The following ATF7IP2 variants were observed in gnomAD, a reference collection of about 807,000 sequenced individuals.
ATF7IP2 encodes activating transcription factor 7 interacting protein 2, also known as activating transcription factor 7-interacting protein 2.
Under a neutral mutation model 64.2 loss-of-function variants are expected in ATF7IP2, and 42 were observed. That is an observed-to-expected ratio of 0.65 (90% CI 0.51 to 0.85). The LOEUF is 0.85. Ranked by LOEUF, ATF7IP2 falls within the 40% of genes least tolerant of loss-of-function variation. The pLI is 0.00. For missense variants in ATF7IP2, 933 were observed against 784.2 expected, an observed-to-expected ratio of 1.19 and a Z score of -2.27; for synonymous variants, 308 against 272.8, an observed-to-expected ratio of 1.13 and a Z score of -1.27.
At position 10,482,323 on chromosome 16, in the gene ATF7IP2, C is replaced by T. The variant is rs111349119; in HGVS notation, c.*74C>T. ...TGCAATGTTACTGTAATACTATTTG[C>T]CATTGTAAAAGGCCAGCTCAGATTG... On this transcript the variant is annotated 3_prime_UTR_variant, in exon 14 of 14. Transcript: ENST00000562102. The T allele has an allele frequency of 5.1e-4, 618 of 1,218,672 alleles. 1 individual carries two copies. In the African/African-American group the frequency reaches 8.5e-3, roughly 17 times the overall value. The allele number at this position is 1,218,672 out of a possible 1,614,324, so 75.5% of individuals were successfully genotyped here. A position where few individuals can be genotyped will look rare whatever the true frequency, so the allele number is the denominator to read the frequency against.
rs755896965 is a variant in ATF7IP2, at chr16:10,473,969, G to C, written c.1529G>C (p.Gly510Ala). The C allele has an allele frequency of 1.9e-6, 3 of 1,591,564 alleles. No individual in the cohort carries two copies. The highest frequency in any genetic ancestry group is 2.6e-6 in the Non-Finnish European group (3 of 1,167,520). The change falls in exon 12 of 14, where the codon GGC becomes GCC. Residue 510 changes from glycine (G) to alanine (A), a missense_variant. Physicochemically the swap from Gly to Ala is moderately conservative, Grantham distance 60. Coordinates refer to ENST00000562102, the MANE Select transcript of ATF7IP2 (RefSeq NM_001393719.1). ...TCTATAATTGATTTGACAAAAGAAG[G>C]CCTATCCAACTGCAATACAGGTAAA... ...LDSIIDLTKE[G>A]LSNCNTESPV... is the part of the protein sequence containing the mutation.
At chr16:10,452,183 T>C (rs1330831870) in intron 8 of ATF7IP2, among the ~76,000 whole-genome samples, 4 of 152,214 alleles carry the variant, frequency 2.6e-5, no homozygotes, top group Non-Finnish European at 4.4e-5. Flanking sequence ...TTGTGATCCT[T>C]TGGAGGAGAA....
At chr16:10,412,930 T>G (rs1180035586) in intron 1 of ATF7IP2, among the ~76,000 whole-genome samples, 3 of 152,242 alleles carry the variant, frequency 2.0e-5, no homozygotes, top group Non-Finnish European at 4.4e-5. Flanking sequence ...TTTGTCTTTT[T>G]TAAGTGCTGT....
At chr16:10,400,366 C>G (rs954861677) in intron 1 of ATF7IP2, among the ~76,000 whole-genome samples, 1 of 152,076 alleles carries the variant, frequency 6.6e-6, no homozygotes, top group Admixed American at 6.5e-5. Flanking sequence ...CATCCTGAAA[C>G]TTAGTTTGTT....
chr16:10,458,119 C>T (rs1385876009), intron 9 of ATF7IP2, among the ~76,000 whole-genome samples: 1 of 152,222 alleles, frequency 6.6e-6, no homozygotes, highest in Admixed American at 6.5e-5. Context: ...TATGCGTACA[C>T]AAGGAGGCTC....
intron 1 of ATF7IP2, among the ~76,000 whole-genome samples, chr16:10,396,828 AT>A (rs1555504238): frequency 2.0e-5 from 3 of 148,272 alleles, no homozygotes; most frequent in African/African-American, 2.5e-5. Context: ...TAAAAAAAAA[AT>A]TTTTTTTTTA....
chr16:10,424,157 T>C (rs13338252), intron 3 of ATF7IP2, among the ~76,000 whole-genome samples: 119,344 of 152,238 alleles, frequency 0.78, 47,448 homozygotes, highest in African/African-American at 0.91. Context: ...AGTTCTGGAA[T>C]GCCTTAAGGG....
chr16:10,482,533 T>TATCA lies in ATF7IP2; in HGVS notation c.*285_*288dup, dbSNP rs149895863. ...TTAGTGACTGTGGAACTGCTGCTTC[T>TATCA]ATCAGAAGACCTAGGATACAAGCAG... On this transcript the variant is annotated 3_prime_UTR_variant, in exon 14 of 14. Transcript: ENST00000562102. The TATCA allele has an allele frequency of 0.011, 2,506 of 226,748 alleles. 59 individuals carry two copies. Among genetic ancestry groups the TATCA allele is most frequent in the African/African-American group, 0.053 (2,292 of 43,310 alleles). 14.0% of individuals were successfully genotyped at this position (226,748 alleles called of 1,614,324 possible).
At chr16:10,416,639 C>G (rs1167095776) in intron 2 of ATF7IP2, among the ~76,000 whole-genome samples, 2 of 152,060 alleles carry the variant, frequency 1.3e-5, no homozygotes, top group African/African-American at 2.4e-5. Flanking sequence ...CTAAAAAACA[C>G]AAAAGTTAGC....
At chr16:10,437,499 G>C (rs2048461730) in intron 6 of ATF7IP2, among the ~76,000 whole-genome samples, 1 of 151,952 alleles carries the variant, frequency 6.6e-6, no homozygotes. Flanking sequence ...GTGCTCTTTT[G>C]CGTATTACCT....
At chr16:10,433,481 T>C (rs1446100167) in intron 5 of ATF7IP2, 44 bp from the exon 6 acceptor site, 2 of 1,577,972 alleles carry the variant, frequency 1.3e-6, no homozygotes, top group African/African-American at 1.4e-5. Flanking sequence ...AACCTGTTTT[T>C]TTCTTTAAAA....
intron 8 of ATF7IP2, chr16:10,447,905 G>A (rs1485455790): frequency 2.0e-5 from 3 of 152,140 alleles, no homozygotes; most frequent in African/African-American, 7.2e-5. Context: ...ATGGTTTTAG[G>A]TCTTATGGTT....
intron 12 of ATF7IP2, among the ~76,000 whole-genome samples, chr16:10,474,371 G>A (rs578127439): frequency 2.6e-5 from 4 of 152,112 alleles, no homozygotes; most frequent in Non-Finnish European, 5.9e-5. Flanking sequence ...AGAGTAGCCC[G>A]TGGTGTGGAT....
Position 10,414,574 on chromosome 16 carries a change from G to T in ATF7IP2, c.-241G>T, listed in dbSNP as rs1214047868. 2 of 141,446 alleles carry T rather than the reference G, an allele frequency of 1.4e-5. No homozygotes were observed. Among genetic ancestry groups the T allele is most frequent in the African/African-American group, 5.2e-5 (2 of 38,166 alleles). The allele number at this position is 141,446 out of a possible 1,614,324, so 8.8% of individuals were successfully genotyped here. ...ACTGACCGTCTGAATTCTTTTTCAG[G>T]TAAATCAGGGATTTCTTCTTGGTTT... On this transcript the variant is annotated splice_region_variant and 5_prime_UTR_variant, in exon 2 of 14. Coordinates refer to ENST00000562102, the MANE Select transcript of ATF7IP2 (RefSeq NM_001393719.1).
intron 1 of ATF7IP2, among the ~76,000 whole-genome samples, chr16:10,399,044 C>T (rs1048974010): frequency 2.6e-5 from 4 of 151,910 alleles, no homozygotes; most frequent in East Asian, 1.9e-4. Context: ...ACCCGTGAGG[C>T]GGAGTTTGCA....
chr16:10,461,075 A>G (rs1361662429), intron 9 of ATF7IP2, among the ~76,000 whole-genome samples: 1 of 152,210 alleles, frequency 6.6e-6, no homozygotes, highest in Admixed American at 6.5e-5. Context: ...CGAAATGGCC[A>G]ATATACATAT....
rs1306066628 is a variant in ATF7IP2, at chr16:10,483,526, C to A, written c.*1277C>A. On this transcript the variant is annotated 3_prime_UTR_variant, in exon 14 of 14. Transcript: ENST00000562102. ...TTTGAAAGTTCGAAAGAGGGGCATT[C>A]TTTTCTGGTACATGGTGAGAGTTCA... is the stretch of plus-strand genomic sequence containing the variant. 1 of 152,152 alleles carries A rather than the reference C, an allele frequency of 6.6e-6. No homozygotes were observed. Among genetic ancestry groups the A allele is most frequent in the African/African-American group, 2.4e-5 (1 of 41,440 alleles). 9.4% of individuals were successfully genotyped at this position (152,152 alleles called of 1,614,324 possible).
chr16:10,432,420 A>AATAAT (rs2048286774), intron 5 of ATF7IP2, among the ~76,000 whole-genome samples: 1 of 152,192 alleles, frequency 6.6e-6, no homozygotes, highest in Admixed American at 6.5e-5. Flanking sequence ...ATTCCTTAAA[A>AATAAT]ATAATAACAG....
chr16:10,425,114 A>C (rs895977352), intron 3 of ATF7IP2, among the ~76,000 whole-genome samples: 1 of 147,410 alleles, frequency 6.8e-6, no homozygotes, highest in Non-Finnish European at 1.5e-5. Context: ...GCTAGCGTGC[A>C]ATGGCTCAAT....
Sources: gnomAD v4.1 joint callset for allele counts (sites outside exome capture counted in the v4.1 genomes callset) on GRCh38, gnomAD v4.1.1 for gene constraint, MANE v1.5 for transcripts, NCBI Gene and HGNC (gene_info 2026-07-23, HGNC 2026-07-21) for gene names.